Variants in SMARCA4 observed in about 807,000 individuals in gnomAD.
The protein encoded by SMARCA4 is SWI/SNF related BAF chromatin remodeling complex subunit ATPase 4.
SMARCA4 carries 31 observed loss-of-function variants against 193.9 expected under a neutral mutation model. The ratio of observed to expected loss-of-function variants is 0.16; its 90% CI spans 0.12 to 0.22. The LOEUF (loss-of-function observed/expected upper bound fraction) is 0.22. Among genes scored for constraint, SMARCA4 ranks in the 10% least tolerant of loss-of-function variants. The pLI is 1.00. For synonymous variants in SMARCA4, 942 were observed against 933.1 expected (o/e 1.01, Z -0.17); for missense variants, 1,148 against 2,296.0 (o/e 0.50, Z 10.22).
In SMARCA4 at chr19:11,019,400, C is replaced by G. The variant is rs562767762; in HGVS notation, c.2506-191C>G. ...TGGCCTGCACTGCTTCCTCTTCCCC[C>G]TGCAGCGCGTGTTCTGCGTGGTGAG... On this transcript the variant is annotated intron_variant, in intron 17 of 34. Coordinates refer to ENST00000344626, the MANE Select transcript of SMARCA4 (RefSeq NM_003072.5). This position sits in a 1 kb window ranked among gnomAD's most constrained non-coding sequence, Gnocchi z 6.1. 1.5e-4 allele frequency: 96 copies of G among 625,002 alleles called. No individual in the cohort carries two copies. The highest frequency in any genetic ancestry group is 2.4e-4 in the Non-Finnish European group (84 of 347,034). 38.7% of individuals were successfully genotyped at this position (625,002 alleles called of 1,614,324 possible). A position where few individuals can be genotyped will look rare whatever the true frequency, so the allele number is the denominator to read the frequency against.
rs115872159 is a variant in SMARCA4 at position 10,991,393 on chromosome 19, C to T, written c.1419+70C>T. The T allele has an allele frequency of 6.7e-5, 103 of 1,547,490 alleles. No individual in the cohort carries two copies. In the African/African-American group the frequency reaches 1.2e-3, roughly 18 times the overall value. On this transcript the variant is annotated intron_variant, in intron 8 of 34. Transcript: ENST00000344626. ...TGCCTGGCTTGTCCAGCGGTTGCCA[C>T]GGGGCTGTGTTTGCTTTGTTCCTAA...
intron 30 of SMARCA4, among the ~76,000 whole-genome samples, chr19:11,045,001 G>C (rs139168211): frequency 1.2e-3 from 186 of 152,320 alleles, no homozygotes; most frequent in African/African-American, 4.2e-3. Flanking sequence ...CTTACATTTT[G>C]TTGAGTGAAA....
Position 11,034,078 on chromosome 19 carries a change from A to G in SMARCA4, c.3874-45A>G. 1.3e-6 allele frequency: 2 copies of G among 1,516,972 alleles called. No homozygotes were observed. The highest frequency in any genetic ancestry group is 2.2e-5 in the South Asian group (2 of 89,180). The allele number at this position is 1,516,972 out of a possible 1,614,324, so 94.0% of individuals were successfully genotyped here. ...TCGCCTCTGAGCTCGGCCGCCGCCC[A>G]CCCCGGCCCCTCCTCAGCGGCACTG... On this transcript the variant is annotated intron_variant, in intron 27 of 34. Transcript: ENST00000344626. The surrounding 1 kb of genome is among the most constrained non-coding windows in gnomAD (Gnocchi z 7.0).
intron 19 of SMARCA4, 127 bp downstream of exon 19, chr19:11,022,094 G>C: frequency 2.1e-6 from 3 of 1,422,380 alleles, no homozygotes; most frequent in Non-Finnish European, 2.9e-6. Flanking sequence ...GTCTGCATCT[G>C]CATGGAGCAG....
At chr19:11,026,198 G>T in intron 22 of SMARCA4, 102 bp from the exon 23 acceptor site, 2 of 922,176 alleles carry the variant, frequency 2.2e-6, no homozygotes, top group Non-Finnish European at 3.6e-6. Flanking sequence ...AGCACACAGT[G>T]TGGGGGCTTT....
intron 1 of SMARCA4, among the ~76,000 whole-genome samples, chr19:10,974,650 T>C (rs2084948477): frequency 7.1e-6 from 1 of 140,652 alleles, no homozygotes; most frequent in Non-Finnish European, 1.5e-5. Context: ...GTAATTTCTA[T>C]GCATGGATTA....
In SMARCA4 at chr19:10,985,777, G is replaced by C. The variant is rs1317364741; in HGVS notation, c.355+372G>C. 2.6e-5 allele frequency among the ~76,000 whole-genome samples: 4 copies of C among 152,176 alleles called. No homozygotes were observed. The highest frequency in any genetic ancestry group is 9.7e-5 in the African/African-American group (4 of 41,440). On this transcript the variant is annotated intron_variant, in intron 3 of 34. Coordinates refer to ENST00000344626, the MANE Select transcript of SMARCA4 (RefSeq NM_003072.5). The surrounding 1 kb of genome is among the most constrained non-coding windows in gnomAD (Gnocchi z 4.5). Reference sequence around the variant, plus strand: ...GTGCCTTTTCTGTACGAGGACAATTGAGAAGTGATATGGTGGGTGACTTTC... The same window carrying C: ...GTGCCTTTTCTGTACGAGGACAATTCAGAAGTGATATGGTGGGTGACTTTC...
intron 32 of SMARCA4, 64 bp from the exon 33 acceptor site, chr19:11,059,689 C>A (rs2147110525): frequency 6.5e-7 from 1 of 1,531,864 alleles, no homozygotes; most frequent in Non-Finnish European, 8.9e-7. Flanking sequence ...GGGCTGGGGC[C>A]AGGGCCGGGC....
intron 18 of SMARCA4, among the ~76,000 whole-genome samples, chr19:11,020,119 A>G (rs1250866823): frequency 6.6e-6 from 1 of 152,148 alleles, no homozygotes; most frequent in African/African-American, 2.4e-5. Flanking sequence ...GCTGAGATTC[A>G]GCATGTGGGG....
chr19:10,968,230 C>T (rs540131370), intron 1 of SMARCA4, among the ~76,000 whole-genome samples: 43 of 152,286 alleles, frequency 2.8e-4, no homozygotes, highest in South Asian at 8.3e-4. Flanking sequence ...TCAGGTGATC[C>T]GCCTGCCTTG....
chr19:11,044,474 G>A (rs936539048), intron 30 of SMARCA4, among the ~76,000 whole-genome samples: 2 of 152,138 alleles, frequency 1.3e-5, no homozygotes, highest in Non-Finnish European at 2.9e-5. Flanking sequence ...GACAAGAGCC[G>A]GGAACAGACG....
At chr19:10,992,908 T>C (rs1355809993) in intron 8 of SMARCA4, among the ~76,000 whole-genome samples, 1 of 151,098 alleles carries the variant, frequency 6.6e-6, no homozygotes, top group Non-Finnish European at 1.5e-5. Flanking sequence ...TTTTTTTATA[T>C]ATATTATTTC....
intron 7 of SMARCA4, among the ~76,000 whole-genome samples, chr19:10,990,902 G>A (rs908810435): frequency 2.0e-5 from 3 of 152,238 alleles, no homozygotes; most frequent in African/African-American, 7.2e-5. Flanking sequence ...CGTGTGTGTG[G>A]TAGAGGGGAG....
At chr19:11,010,989 CA>C (rs2088780986) in intron 15 of SMARCA4, 1 of 253,226 alleles carries the variant, frequency 3.9e-6, no homozygotes, top group African/African-American at 2.2e-5. Flanking sequence ...TAGGAGCCGG[CA>C]GCCCTGGACT....
At chr19:11,017,178 C>T (rs2089440393) in intron 16 of SMARCA4, among the ~76,000 whole-genome samples, 2 of 152,384 alleles carry the variant, frequency 1.3e-5, no homozygotes, top group South Asian at 4.1e-4. Context: ...TTCCTTCTCA[C>T]ACTTCCACCC....
At chr19:10,979,042 T>C (rs144555968) in intron 1 of SMARCA4, among the ~76,000 whole-genome samples, 1,953 of 152,194 alleles carry the variant, frequency 0.013, 32 homozygotes, top group South Asian at 0.025. Flanking sequence ...GACATGCAAA[T>C]GAAGACCATA....
At chr19:10,989,693 C>T (rs1438591224) in intron 7 of SMARCA4, among the ~76,000 whole-genome samples, 4 of 146,724 alleles carry the variant, frequency 2.7e-5, no homozygotes, top group Non-Finnish European at 6.0e-5. Flanking sequence ...TTCTTTCTTC[C>T]TTTCCCTTTC....
At chr19:11,025,569 C>A (rs2146501545) in intron 22 of SMARCA4, 61 bp downstream of exon 22, 1 of 1,183,242 alleles carries the variant, frequency 8.5e-7, no homozygotes. Flanking sequence ...CTAGGCAGAG[C>A]TGGCTTCTCC....
chr19:11,003,408 AT>A lies in SMARCA4; in HGVS notation c.2001+14del. 3 of 1,612,272 alleles carry A rather than the reference AT, an allele frequency of 1.9e-6. No homozygotes were observed. The highest frequency in any genetic ancestry group is 2.5e-6 in the Non-Finnish European group (3 of 1,178,366). ...GAAGAAGAGGAAGAGGTAAGAGTGC[AT>A]TTCCTGGCTTTCAAGGCTCTCAGTG... On this transcript the variant is annotated intron_variant, in intron 13 of 34. Transcript: ENST00000344626.
Sources: allele counts gnomAD v4.1 joint callset (sites outside exome capture counted in the v4.1 genomes callset), GRCh38; gene constraint gnomAD v4.1.1; non-coding constraint Gnocchi (gnomAD v3.1); transcripts MANE v1.5; gene names NCBI Gene and HGNC (gene_info 2026-07-23, HGNC 2026-07-21).